Variants in TXNDC8 observed in about 807,000 individuals in gnomAD.
TXNDC8 encodes thioredoxin domain containing 8.
Under a neutral mutation model 12.9 loss-of-function variants are expected in TXNDC8, and 15 were observed. The observed-to-expected ratio is 1.16, with a 90% CI of 0.78 to 1.79. The LOEUF is 1.79. Among genes scored for constraint, TXNDC8 ranks in the 40% most tolerant of loss-of-function variants. TXNDC8 has a pLI of 0.00. For synonymous variants in TXNDC8, 40 were observed against 35.4 expected (o/e 1.13, Z -0.46); for missense variants, 128 against 113.2 (o/e 1.13, Z -0.59).
chr9:110,322,440 T>C (rs1839138774), intron 3 of TXNDC8: 5 of 985,324 alleles, frequency 5.1e-6, no homozygotes, highest in African/African-American at 1.7e-5. Flanking sequence ...TCAAAAGAGA[T>C]ACATATCCAT....
At position 110,319,019 on chromosome 9, in the gene TXNDC8, G is replaced by A. The variant is rs956042100; in HGVS notation, c.195+7156C>T. ...GCAAAGGTGCTGAAGGTTGCTAGAT[G>A]TTTCTAAATAGTTACTACACTTTGC... is the stretch of plus-strand genomic sequence containing the variant. On this transcript the variant is annotated intron_variant, in intron 3 of 4. Coordinates refer to ENST00000423740, the MANE Select transcript of TXNDC8 (RefSeq NM_001286946.2). 3.3e-4 allele frequency among the ~76,000 whole-genome samples: 50 copies of A among 152,300 alleles called. 1 individual carries two copies. Among genetic ancestry groups the A allele is most frequent in the African/African-American group, 1.0e-3 (42 of 41,576 alleles).
chr9:110,325,291 C>T (rs767878953), intron 3 of TXNDC8, among the ~76,000 whole-genome samples: 4 of 151,968 alleles, frequency 2.6e-5, no homozygotes, highest in Non-Finnish European at 4.4e-5. Context: ...TCACACCAAC[C>T]CTATGAGGGG....
intron 2 of TXNDC8, among the ~76,000 whole-genome samples, chr9:110,332,425 A>G (rs896281890): frequency 6.6e-6 from 1 of 152,218 alleles, no homozygotes; most frequent in Non-Finnish European, 1.5e-5. Flanking sequence ...CAGTTTCTCT[A>G]TTGGAATATA....
intron 3 of TXNDC8, chr9:110,322,627 C>T (rs1839148016): frequency 7.1e-6 from 7 of 985,376 alleles, no homozygotes; most frequent in Non-Finnish European, 8.4e-6. Context: ...AGTCTTGTGT[C>T]ATCATAAAAT....
At position 110,326,752 on chromosome 9, in the gene TXNDC8, A is replaced by T. The variant is rs564207119; in HGVS notation, c.130-512T>A. 9.2e-5 allele frequency among the ~76,000 whole-genome samples: 14 copies of T among 152,320 alleles called. No homozygotes were observed. The East Asian group carries it at 2.7e-3, about 29-fold the overall frequency. ...TCTTTGTGAAAGATTTGGAGCCAAA[A>T]TATGAGAAAATATGCCAGAATCCCA... On this transcript the variant is annotated intron_variant, in intron 2 of 4. Transcript: ENST00000423740.
intron 3 of TXNDC8, among the ~76,000 whole-genome samples, chr9:110,324,688 T>G (rs1408730361): frequency 6.6e-6 from 1 of 152,234 alleles, no homozygotes; most frequent in African/African-American, 2.4e-5. Context: ...GAGGTATTTC[T>G]GTACCGAAAG....
intron 3 of TXNDC8, among the ~76,000 whole-genome samples, chr9:110,318,747 A>C (rs1026000802): frequency 2.0e-5 from 3 of 152,220 alleles, no homozygotes; most frequent in African/African-American, 7.2e-5. Flanking sequence ...AAAAAAAAAA[A>C]AAATTTTAAG....
At chr9:110,317,201 G>A (rs948265637) in intron 3 of TXNDC8, among the ~76,000 whole-genome samples, 33 of 152,272 alleles carry the variant, frequency 2.2e-4, no homozygotes, top group Admixed American at 2.0e-4. Flanking sequence ...CATTTTTCCC[G>A]TTTACTGGAA....
At chr9:110,322,057 A>G (rs911608786) in intron 3 of TXNDC8, among the ~76,000 whole-genome samples, 2 of 152,200 alleles carry the variant, frequency 1.3e-5, no homozygotes, top group Non-Finnish European at 2.9e-5. Flanking sequence ...CAGTATTACA[A>G]ATTTTTCTGG....
At chr9:110,333,350 A>T (rs1005567274) in intron 2 of TXNDC8, among the ~76,000 whole-genome samples, 1 of 152,194 alleles carries the variant, frequency 6.6e-6, no homozygotes, top group Non-Finnish European at 1.5e-5. Context: ...GCTACTTATG[A>T]GAATCTTAAT....
rs113673245 is a variant in TXNDC8, at chr9:110,304,869, C to T, written c.196-337G>A. Among the ~76,000 whole-genome samples the T allele has an allele frequency of 4.6e-3, 700 of 152,100 alleles. 8 individuals are homozygous for T. The highest frequency in any genetic ancestry group is 0.016 in the African/African-American group (657 of 41,510). ...TTTTGGACTTTTAAAGATGGATGGC[C>T]GGGTGCAGTGGCTCATGCCTGTAAT... is the stretch of plus-strand genomic sequence containing the variant. On this transcript the variant is annotated intron_variant, in intron 3 of 4. Coordinates refer to ENST00000423740, the MANE Select transcript of TXNDC8 (RefSeq NM_001286946.2).
intron 3 of TXNDC8, chr9:110,323,087 GT>G: frequency 1.0e-6 from 1 of 985,382 alleles, no homozygotes; most frequent in Admixed American, 6.1e-5. Context: ...GACATCACAT[GT>G]TAAAAAAGGA....
chr9:110,324,527 A>G (rs913573966), intron 3 of TXNDC8, among the ~76,000 whole-genome samples: 14 of 151,600 alleles, frequency 9.2e-5, no homozygotes, highest in African/African-American at 3.4e-4. Context: ...ATTCTTTATA[A>G]CTTTTTTTTT....
chr9:110,304,902 C>T (rs570266538), intron 3 of TXNDC8, among the ~76,000 whole-genome samples: 1 of 152,128 alleles, frequency 6.6e-6, no homozygotes, highest in Admixed American at 6.5e-5. Flanking sequence ...AATCTGAGCA[C>T]CTCGGGAGGC....
At chr9:110,332,969 C>T (rs745642876) in intron 2 of TXNDC8, among the ~76,000 whole-genome samples, 8 of 152,118 alleles carry the variant, frequency 5.3e-5, no homozygotes, top group Admixed American at 4.6e-4. Flanking sequence ...CTAAGTGAAA[C>T]GAGTGAGTCA....
chr9:110,324,775 C>G (rs779675162), intron 3 of TXNDC8, among the ~76,000 whole-genome samples: 4 of 152,166 alleles, frequency 2.6e-5, no homozygotes, highest in Non-Finnish European at 5.9e-5. Flanking sequence ...AATCGCCTTT[C>G]ATAAGGTATG....
chr9:110,335,864 C>A (rs951117154), intron 1 of TXNDC8, among the ~76,000 whole-genome samples: 2 of 152,142 alleles, frequency 1.3e-5, no homozygotes, highest in Non-Finnish European at 2.9e-5. Context: ...TTAATCCATA[C>A]AAATGACATG....
chr9:110,307,529 G>A (rs1372062787), intron 3 of TXNDC8, among the ~76,000 whole-genome samples: 2 of 152,188 alleles, frequency 1.3e-5, no homozygotes, highest in Non-Finnish European at 2.9e-5. Flanking sequence ...TGTATGCAAG[G>A]CAAATAGTTT....
chr9:110,309,302 C>T (rs983538213), intron 3 of TXNDC8, among the ~76,000 whole-genome samples: 3 of 151,896 alleles, frequency 2.0e-5, no homozygotes, highest in African/African-American at 7.3e-5. Context: ...ATGCAGCAGC[C>T]CTACAGGAAA....
Sources: gnomAD v4.1 joint callset for allele counts (sites outside exome capture counted in the v4.1 genomes callset) on GRCh38, gnomAD v4.1.1 for gene constraint, MANE v1.5 for transcripts, NCBI Gene and HGNC (gene_info 2026-07-23, HGNC 2026-07-21) for gene names.